Variants in DOK4 observed in about 807,000 individuals in gnomAD.
DOK4 encodes downstream of tyrosine kinase 4.
A neutral mutation model predicts 40.1 loss-of-function variants in DOK4; 26 were observed. That is an observed-to-expected ratio of 0.65 (90% CI 0.48 to 0.90). The LOEUF is 0.90. Ranked by LOEUF, DOK4 falls within the 40% of genes least tolerant of loss-of-function variation. DOK4 has a pLI of 0.00. For missense variants in DOK4, 392 were observed against 437.2 expected, an observed-to-expected ratio of 0.90 and a Z score of 0.92; for synonymous variants, 179 against 177.0, an observed-to-expected ratio of 1.01 and a Z score of -0.09.
chr16:57,485,143 T>G lies in DOK4; in HGVS notation c.-182+1162A>C. Among the ~76,000 whole-genome samples the G allele has an allele frequency of 6.6e-6, 1 of 152,230 alleles. No individual in the cohort carries two copies. Among genetic ancestry groups the G allele is most frequent in the Non-Finnish European group, 1.5e-5 (1 of 68,040 alleles). ...CCAGCTCCTGGGTCTCAGCGCTGAC[T>G]GGCATGGCCAGCAGGCTGTTGTTAC... is the stretch of plus-strand genomic sequence containing the variant. On this transcript the variant is annotated intron_variant, in intron 1 of 8. Transcript: ENST00000340099. This position sits in a 1 kb window ranked among gnomAD's most constrained non-coding sequence, Gnocchi z 4.3.
intron 2 of DOK4, among the ~76,000 whole-genome samples, chr16:57,477,243 A>G (rs2031221520): frequency 6.6e-6 from 1 of 152,160 alleles, no homozygotes; most frequent in Non-Finnish European, 1.5e-5. Context: ...GATACCACTC[A>G]GAGCCAGGCC....
Position 57,485,927 on chromosome 16 carries a change from G to A in DOK4, c.-182+378C>T, listed in dbSNP as rs2031526755. ...GTGAGCGAACAGGAGGCCCCGGGGA[G>A]GAGCAGGAAGGCAGAGAGAAGGTTG... On this transcript the variant is annotated intron_variant, in intron 1 of 8. Transcript: ENST00000340099. The surrounding 1 kb of genome is among the most constrained non-coding windows in gnomAD (Gnocchi z 4.3). Among the ~76,000 whole-genome samples, 1 of 152,196 alleles carries A rather than the reference G, an allele frequency of 6.6e-6. No homozygotes were observed. Among genetic ancestry groups the A allele is most frequent in the South Asian group, 2.1e-4 (1 of 4,836 alleles).
chr16:57,472,611 C>G (rs1029375160), exon 9 of DOK4: 2 of 152,780 alleles, frequency 1.3e-5, no homozygotes, highest in East Asian at 3.9e-4. Flanking sequence ...TGGCCTATTC[C>G]TGGGGCAGGA....
intron 1 of DOK4, chr16:57,483,997 G>C (rs1289473473): frequency 1.3e-5 from 2 of 152,340 alleles, no homozygotes; most frequent in African/African-American, 4.8e-5. Flanking sequence ...CGCGCAGGGA[G>C]AGCCAGCTCC....
upstream of DOK4, chr16:57,487,055 C>T (rs564754226): frequency 6.5e-6 from 1 of 152,684 alleles, no homozygotes; most frequent in African/African-American, 2.4e-5. Flanking sequence ...AAACTTCATT[C>T]CCCTTCATTG....
chr16:57,487,018 T>TC, upstream of DOK4: 1 of 152,552 alleles, frequency 6.6e-6, no homozygotes, highest in African/African-American at 2.4e-5. Context: ...CCATTCTAGG[T>TC]CCCCCTGAGA....
intron 1 of DOK4, chr16:57,481,417 TG>T: frequency 6.6e-6 from 1 of 152,418 alleles, no homozygotes; most frequent in African/African-American, 2.4e-5. Flanking sequence ...AGGTCTGGTC[TG>T]GGGTCCCCTC....
At position 57,474,048 on chromosome 16, in the gene DOK4, A is replaced by G. The variant is rs759528093; in HGVS notation, c.600-9T>C. On this transcript the variant is annotated splice_polypyrimidine_tract_variant and intron_variant, in intron 6 of 8. Coordinates refer to ENST00000340099, the Ensembl canonical transcript of DOK4. ...CCCCAGCATCACACATCCTGGGGAC[A>G]CAGCACAGAGGGCAAGATGGTGGGG... 3.1e-6 allele frequency: 5 copies of G among 1,613,992 alleles called. No individual in the cohort carries two copies. Among genetic ancestry groups the G allele is most frequent in the Non-Finnish European group, 2.5e-6 (3 of 1,179,938 alleles).
In DOK4 at chr16:57,479,703, G is replaced by A. The variant is rs2031345952; in HGVS notation, c.-181-15C>T. On this transcript the variant is annotated splice_polypyrimidine_tract_variant and intron_variant, in intron 1 of 8. Coordinates refer to ENST00000340099, the Ensembl canonical transcript of DOK4. This position sits in a 1 kb window ranked among gnomAD's most constrained non-coding sequence, Gnocchi z 5.8. ...CCCCGCGCCTGCTGGAAATAAAAAT[G>A]ACAGGGAGATTAGAGACAGTGACAT... 1 of 541,206 alleles carries A rather than the reference G, an allele frequency of 1.8e-6. No homozygotes were observed. The highest frequency in any genetic ancestry group is 2.4e-5 in the South Asian group (1 of 42,152). The allele number at this position is 541,206 out of a possible 1,614,324, so 33.5% of individuals were successfully genotyped here.
chr16:57,478,882 C>T (rs1300228583), intron 2 of DOK4, among the ~76,000 whole-genome samples: 3 of 152,232 alleles, frequency 2.0e-5, no homozygotes, highest in Non-Finnish European at 4.4e-5. Context: ...CCGTCTCGCC[C>T]AGCCAACCAC....
chr16:57,482,373 T>TG (rs1412098993), intron 1 of DOK4, among the ~76,000 whole-genome samples: 3 of 143,912 alleles, frequency 2.1e-5, no homozygotes, highest in Non-Finnish European at 4.6e-5. Context: ...GTTTTTTTTT[T>TG]TTTTTTTTTT....
At chr16:57,472,341 AAGAT>A (rs750170543) in exon 9 of DOK4, 3 of 152,634 alleles carry the variant, frequency 2.0e-5, no homozygotes, top group African/African-American at 4.8e-5. Flanking sequence ...CGTGAATAGA[AAGAT>A]AGCCCTTCTG....
In DOK4 at chr16:57,479,949, T is replaced by C. The variant is rs2031356817; in HGVS notation, c.-181-261A>G. On this transcript the variant is annotated intron_variant, in intron 1 of 8. Coordinates refer to ENST00000340099, the Ensembl canonical transcript of DOK4. The surrounding 1 kb of genome is among the most constrained non-coding windows in gnomAD (Gnocchi z 5.8). ...ACGGCTGGGGCTGGCAGTTAACCCC[T>C]TCCTGGGAGGACTGGCTCTGGCTCC... The C allele has an allele frequency of 6.3e-6, 1 of 158,456 alleles. No individual in the cohort carries two copies. Among genetic ancestry groups the C allele is most frequent in the African/African-American group, 2.4e-5 (1 of 41,596 alleles). The allele number at this position is 158,456 out of a possible 1,614,324, so 9.8% of individuals were successfully genotyped here. A position where few individuals can be genotyped will look rare whatever the true frequency, so the allele number is the denominator to read the frequency against.
chr16:57,479,622 C>A lies in DOK4; in HGVS notation c.-115G>T. On this transcript the variant is annotated 5_prime_UTR_variant, in exon 2 of 9. Transcript: ENST00000340099. This position sits in a 1 kb window ranked among gnomAD's most constrained non-coding sequence, Gnocchi z 5.8. ...GTTCCAGACACTCTGTCGGGGCTGC[C>A]GCGAGGGGCTGCTCCTCACCTCACC... 1 of 1,129,912 alleles carries A rather than the reference C, an allele frequency of 8.9e-7. No individual in the cohort carries two copies. The highest frequency in any genetic ancestry group is 1.3e-6 in the Non-Finnish European group (1 of 765,254). The allele number at this position is 1,129,912 out of a possible 1,614,324, so 70.0% of individuals were successfully genotyped here. A position where few individuals can be genotyped will look rare whatever the true frequency, so the allele number is the denominator to read the frequency against.
exon 5 of DOK4, chr16:57,475,118 C>T (rs1268783652): frequency 1.9e-6 from 3 of 1,613,858 alleles, no homozygotes; most frequent in East Asian, 2.2e-5. Context: ...TCACACTGCA[C>T]CCCTGGGGCC....
At chr16:57,475,570 G>C in exon 4 of DOK4, 1 of 1,609,706 alleles carries the variant, frequency 6.2e-7, no homozygotes, top group Non-Finnish European at 8.5e-7. Context: ...CCTGCCGCTT[G>C]GTCTCCTTGG....
intron 1 of DOK4, chr16:57,481,887 C>T (rs1252384349): frequency 6.6e-6 from 1 of 152,332 alleles, no homozygotes; most frequent in East Asian, 1.9e-4. Context: ...TTTTTTGAGA[C>T]GGAGTCTCCC....
exon 6 of DOK4, chr16:57,474,952 G>A: frequency 6.2e-7 from 1 of 1,612,642 alleles, no homozygotes; most frequent in Non-Finnish European, 8.5e-7. Context: ...GTCCAGGTTG[G>A]GGCAGGGCAG....
chr16:57,484,450 G>A (rs533452683), intron 1 of DOK4, among the ~76,000 whole-genome samples: 2 of 152,278 alleles, frequency 1.3e-5, no homozygotes, highest in Admixed American at 6.5e-5. Flanking sequence ...AGGGGCCACC[G>A]GCCAAAACAT....
Sources: allele counts gnomAD v4.1 joint callset (sites outside exome capture counted in the v4.1 genomes callset), GRCh38; gene constraint gnomAD v4.1.1; non-coding constraint Gnocchi (gnomAD v3.1); transcripts MANE v1.5; gene names NCBI Gene and HGNC (gene_info 2026-07-23, HGNC 2026-07-21).